Variants in DIMT1 observed in about 807,000 individuals in gnomAD.
DIMT1 encodes the protein dimethyladenosine transferase.
Under a neutral mutation model 43.2 loss-of-function variants are expected in DIMT1, and 36 were observed. That is an observed-to-expected ratio of 0.83 (90% CI 0.64 to 1.10). The LOEUF (loss-of-function observed/expected upper bound fraction) is 1.10. Among genes scored for constraint, DIMT1 ranks in the 50% least tolerant of loss-of-function variants. The probability of loss-of-function intolerance (pLI) is 0.00; values close to 1 mark genes in which losing one functional copy is unlikely to be tolerated. For synonymous variants in DIMT1, 126 were observed against 130.3 expected, an observed-to-expected ratio of 0.97 and a Z score of 0.22; for missense variants, 341 against 385.3, an observed-to-expected ratio of 0.88 and a Z score of 0.96.
rs1742295596 is a variant in DIMT1 at position 62,391,169 on chromosome 5, A to C, written c.793-187T>G. ...AAAAGTGGCTGATCTTTATTAACAA[A>C]AACTTGGAATACCTTGAATTAGTAA... On this transcript the variant is annotated intron_variant, in intron 10 of 11. Transcript: ENST00000199320. 1.1e-5 allele frequency: 6 copies of C among 541,072 alleles called. No individual in the cohort carries two copies. In the South Asian group the frequency reaches 1.7e-4, roughly 15 times the overall value. The allele number at this position is 541,072 out of a possible 1,614,324, so 33.5% of individuals were successfully genotyped here.
chr5:62,392,298 T>TAA, intron 9 of DIMT1, 64 bp from the exon 10 acceptor site: 5 of 1,457,998 alleles, frequency 3.4e-6, no homozygotes, highest in Admixed American at 2.0e-5. Flanking sequence ...CTTACTTTTT[T>TAA]AAACTTTTTT....
intron 11 of DIMT1, 89 bp from the exon 12 acceptor site, chr5:62,389,141 A>G: frequency 8.7e-7 from 1 of 1,143,832 alleles, no homozygotes; most frequent in Non-Finnish European, 1.3e-6. Context: ...ATACTAAAAC[A>G]TGAATACAGC....
chr5:62,391,584 T>C (rs1404893180), intron 10 of DIMT1: 24 of 502,392 alleles, frequency 4.8e-5, no homozygotes, highest in South Asian at 7.4e-5. Context: ...ATATAGGTTC[T>C]GAGTCATAAA....
intron 9 of DIMT1, 93 bp from the exon 10 acceptor site, chr5:62,392,327 ATTTAAGCAATAAT>A: frequency 1.1e-6 from 1 of 909,430 alleles, no homozygotes; most frequent in Non-Finnish European, 1.7e-6. Flanking sequence ...TACATAAGCC[ATTTAAGCAATAAT>A]TTCATTTTAG....
Position 62,403,880 on chromosome 5 carries a change from T to G in DIMT1, c.-108A>C, listed in dbSNP as rs935824837. 12 of 1,230,002 alleles carry G rather than the reference T, an allele frequency of 9.8e-6. No individual in the cohort carries two copies. Among genetic ancestry groups the G allele is most frequent in the African/African-American group, 1.5e-5 (1 of 65,788 alleles). The allele number at this position is 1,230,002 out of a possible 1,614,324, so 76.2% of individuals were successfully genotyped here. The stretch of plus-strand genomic sequence containing the variant: ...CGCCGCCACGCGCCGCCCGCACCAC[T>G]CTGGCCCAAGCGCCGGAGGGGCAAG... On this transcript the variant is annotated 5_prime_UTR_variant, in exon 1 of 12. Coordinates refer to ENST00000199320, the MANE Select transcript of DIMT1 (RefSeq NM_014473.4).
At position 62,387,562 on chromosome 5, in the gene DIMT1, T is replaced by G. The variant is rs1451834483; in HGVS notation, c.*1448A>C. The G allele has an allele frequency of 6.6e-6, 1 of 152,104 alleles. No individual in the cohort carries two copies. The highest frequency in any genetic ancestry group is 1.5e-5 in the Non-Finnish European group (1 of 68,018). The allele number at this position is 152,104 out of a possible 1,614,324, so 9.4% of individuals were successfully genotyped here. On this transcript the variant is annotated 3_prime_UTR_variant, in exon 12 of 12. Transcript: ENST00000199320. The stretch of plus-strand genomic sequence containing the variant: ...ACCAGAAAAGATACTGGAGGTAATA[T>G]AATACAGTCCTTCAGCTTTACAGAT...
In DIMT1 at chr5:62,393,996, T is replaced by C; in HGVS notation, c.622A>G (p.Arg208Gly). ...PPPKVESSVVRIEPKNPPPPI... is the reference protein window; with the variant it reads ...PPPKVESSVVGIEPKNPPPPI... ...GGTGGTGGATTCTTAGGTTCTATCCTTACAACACTGGATTCCACCTTGGGC... is the reference window on the plus strand; with the variant it reads ...GGTGGTGGATTCTTAGGTTCTATCCCTACAACACTGGATTCCACCTTGGGC... The change falls in exon 8 of 12, where the codon AGG (arginine) becomes GGG (glycine). Residue 208 changes from arginine (R) to glycine (G), a missense_variant. Coordinates refer to ENST00000199320, the MANE Select transcript of DIMT1 (RefSeq NM_014473.4). The C allele has an allele frequency of 6.2e-7, 1 of 1,612,704 alleles. No homozygotes were observed. Among genetic ancestry groups the C allele is most frequent in the Non-Finnish European group, 8.5e-7 (1 of 1,179,648 alleles).
At chr5:62,391,685 C>A in intron 10 of DIMT1, 1 of 1,250,288 alleles carries the variant, frequency 8.0e-7, no homozygotes, top group African/African-American at 1.5e-5. Context: ...CACTGTTACA[C>A]AAATGATACG....
chr5:62,388,886 G>C lies in DIMT1; in HGVS notation c.*124C>G. ...ATCATAAATGGTGACAACAGTAGTA[G>C]TATTGAACCAAAAATAGTCAAGTAA... On this transcript the variant is annotated 3_prime_UTR_variant, in exon 12 of 12. Transcript: ENST00000199320. 1 of 857,866 alleles carries C rather than the reference G, an allele frequency of 1.2e-6. No homozygotes were observed. The allele number at this position is 857,866 out of a possible 1,614,324, so 53.1% of individuals were successfully genotyped here.
intron 8 of DIMT1, among the ~76,000 whole-genome samples, chr5:62,393,258 A>G (rs1168339172): frequency 6.6e-6 from 1 of 152,046 alleles, no homozygotes; most frequent in East Asian, 1.9e-4. Context: ...TTAATTTGAA[A>G]AAATAAAGCC....
intron 6 of DIMT1, among the ~76,000 whole-genome samples, chr5:62,395,790 G>A (rs776055860): frequency 5.9e-5 from 9 of 152,098 alleles, no homozygotes; most frequent in Non-Finnish European, 7.4e-5. Context: ...GATCGCTTGA[G>A]CTCAGGAGTT....
chr5:62,396,617 A>G (rs757117712), intron 6 of DIMT1, among the ~76,000 whole-genome samples: 1 of 152,206 alleles, frequency 6.6e-6, no homozygotes, highest in Non-Finnish European at 1.5e-5. Context: ...AGGAAGGAGT[A>G]GAAGTATTAT....
intron 10 of DIMT1, chr5:62,391,938 A>G: frequency 6.5e-7 from 1 of 1,535,972 alleles, no homozygotes; most frequent in African/African-American, 1.4e-5. Context: ...AACTGTCAGT[A>G]GTTAGAGGAC....
chr5:62,399,128 A>C (rs1368823214), intron 3 of DIMT1, among the ~76,000 whole-genome samples: 1 of 151,810 alleles, frequency 6.6e-6, no homozygotes, highest in Non-Finnish European at 1.5e-5. Flanking sequence ...TCAGGAGTTA[A>C]AGGCCAGCCT....
intron 1 of DIMT1, 83 bp from the exon 2 acceptor site, chr5:62,403,429 TG>T: frequency 4.4e-6 from 6 of 1,349,640 alleles, no homozygotes; most frequent in Non-Finnish European, 6.4e-6. Context: ...TGCATGGGTA[TG>T]GGGAAGATTT....
chr5:62,394,715 GATTAT>G (rs2067202), intron 6 of DIMT1, 108 bp from the exon 7 acceptor site: 358,904 of 1,495,360 alleles, frequency 0.24, 44,006 homozygotes, highest in Middle Eastern at 0.27. Context: ...ATTGGCAGCT[GATTAT>G]AAGGTAGGAG....
rs767122149 is a variant in DIMT1 at position 62,398,816 on chromosome 5, T to G, written c.302+4A>C. On this transcript the variant is annotated splice_donor_region_variant and intron_variant, in intron 4 of 11. Transcript: ENST00000199320. ...TGCACTTTAATTCTATTATGTATAC[T>G]CACGTGCCCTGAACTCTTTTGTGAA... 4 of 1,614,016 alleles carry G rather than the reference T, an allele frequency of 2.5e-6. No individual in the cohort carries two copies. The Admixed American group carries it at 6.7e-5, about 27-fold the overall frequency.
chr5:62,389,559 T>C (rs1440403175), intron 11 of DIMT1, among the ~76,000 whole-genome samples: 1 of 151,742 alleles, frequency 6.6e-6, no homozygotes, highest in Admixed American at 6.6e-5. Flanking sequence ...CCATGCCATG[T>C]TGGTGCCTCT....
intron 10 of DIMT1, chr5:62,391,614 CTT>C: frequency 2.3e-6 from 2 of 875,548 alleles, no homozygotes; most frequent in African/African-American, 1.8e-5. Flanking sequence ...GAAAATTGGC[CTT>C]TCTCTCTCTG....
Sources: gnomAD v4.1 joint callset for allele counts (sites outside exome capture counted in the v4.1 genomes callset) on GRCh38, gnomAD v4.1.1 for gene constraint, MANE v1.5 for transcripts, NCBI Gene and HGNC (gene_info 2026-07-23, HGNC 2026-07-21) for gene names.